Variants in MGAT5 observed in about 807,000 individuals in gnomAD.
MGAT5 encodes the protein alpha-1,6-mannosylglycoprotein 6-beta-N-acetylglucosaminyltransferase, also known as alpha-1,6-mannosylglycoprotein 6-beta-N-acetylglucosaminyltransferase A.
Under a neutral mutation model 94.3 loss-of-function variants are expected in MGAT5, and 30 were observed. The observed-to-expected ratio is 0.32, with a 90% CI of 0.24 to 0.43. The LOEUF (loss-of-function observed/expected upper bound fraction) is 0.43. MGAT5 is among the 20% of genes least tolerant of loss of function. MGAT5 has a pLI of 1.00. For synonymous variants in MGAT5, 310 were observed against 322.9 expected (o/e 0.96, Z 0.43); for missense variants, 691 against 905.5 (o/e 0.76, Z 3.04).
At chr2:134,295,546 G>T (rs6751660) in intron 2 of MGAT5, among the ~76,000 whole-genome samples, 1 of 152,014 alleles carries the variant, frequency 6.6e-6, no homozygotes, top group African/African-American at 2.4e-5. Context: ...AGGGAGTTTT[G>T]TTGTCACTTT....
chr2:134,374,772 C>A (rs892463238), intron 10 of MGAT5, among the ~76,000 whole-genome samples: 4 of 152,138 alleles, frequency 2.6e-5, no homozygotes, highest in Non-Finnish European at 5.9e-5. Context: ...GTGGGCAGAT[C>A]ACTTGAGCCT....
intron 1 of MGAT5, among the ~76,000 whole-genome samples, chr2:134,131,257 G>A (rs1382358837): frequency 6.6e-6 from 1 of 152,142 alleles, no homozygotes; most frequent in Non-Finnish European, 1.5e-5. Context: ...CACTCACCGC[G>A]AGGGTCCGCG....
intron 1 of MGAT5, among the ~76,000 whole-genome samples, chr2:134,248,574 G>A (rs1346749165): frequency 1.3e-5 from 2 of 152,220 alleles, no homozygotes; most frequent in Non-Finnish European, 2.9e-5. Context: ...ACAGGATGAA[G>A]CTAAATGTAG....
At chr2:134,381,418 A>ATAGATAGG (rs1681599132) in intron 10 of MGAT5, among the ~76,000 whole-genome samples, 1 of 146,334 alleles carries the variant, frequency 6.8e-6, no homozygotes, top group Non-Finnish European at 1.5e-5. Flanking sequence ...AGATAGATAG[A>ATAGATAGG]TAGATAGATA....
At chr2:134,282,722 G>T (rs1684767066) in intron 2 of MGAT5, among the ~76,000 whole-genome samples, 1 of 152,196 alleles carries the variant, frequency 6.6e-6, no homozygotes, top group Non-Finnish European at 1.5e-5. Context: ...GGTGAAAAAT[G>T]CTTGAGGAAC....
At chr2:134,157,738 A>G (rs1433218454) in intron 1 of MGAT5, among the ~76,000 whole-genome samples, 5 of 152,072 alleles carry the variant, frequency 3.3e-5, no homozygotes, top group African/African-American at 1.2e-4. Context: ...CTGCAACTAG[A>G]TGGTCTCATC....
At chr2:134,328,470 G>A (rs1477458212) in intron 4 of MGAT5, among the ~76,000 whole-genome samples, 3 of 152,068 alleles carry the variant, frequency 2.0e-5, no homozygotes, top group Non-Finnish European at 4.4e-5. Context: ...TTGAGGTCAA[G>A]ATAAAGTCTG....
chr2:134,443,122 C>T (rs1685577486), intron 15 of MGAT5, among the ~76,000 whole-genome samples: 1 of 151,994 alleles, frequency 6.6e-6, no homozygotes, highest in Admixed American at 6.6e-5. Context: ...GAGTGTGTGG[C>T]CTCTTGTGTC....
intron 10 of MGAT5, among the ~76,000 whole-genome samples, chr2:134,390,082 T>TA (rs1682307180): frequency 1.3e-5 from 2 of 152,146 alleles, no homozygotes; most frequent in African/African-American, 2.4e-5. Flanking sequence ...GCCATGTCAA[T>TA]GAAAAAAGGC....
chr2:134,339,465 T>A (rs1348790347), intron 6 of MGAT5, among the ~76,000 whole-genome samples: 1 of 152,170 alleles, frequency 6.6e-6, no homozygotes, highest in East Asian at 1.9e-4. Context: ...TTTCTTATTT[T>A]GATAAACTAA....
At chr2:134,434,845 C>T (rs1324830312) in intron 14 of MGAT5, among the ~76,000 whole-genome samples, 2 of 152,202 alleles carry the variant, frequency 1.3e-5, no homozygotes, top group African/African-American at 4.8e-5. Context: ...GCATCGGCCT[C>T]TCTTACTAGA....
intron 2 of MGAT5, among the ~76,000 whole-genome samples, chr2:134,314,914 A>G (rs1167496512): frequency 2.6e-5 from 4 of 152,208 alleles, no homozygotes; most frequent in African/African-American, 9.6e-5. Flanking sequence ...AACACAGCCC[A>G]TCCATTCGTT....
At chr2:134,375,677 A>G (rs1681122741) in intron 10 of MGAT5, among the ~76,000 whole-genome samples, 1 of 152,182 alleles carries the variant, frequency 6.6e-6, no homozygotes, top group South Asian at 2.1e-4. Flanking sequence ...TCAAGGGAAA[A>G]ATGAGGGAAA....
At chr2:134,126,659 C>T (rs900297788) in intron 1 of MGAT5, among the ~76,000 whole-genome samples, 1 of 152,158 alleles carries the variant, frequency 6.6e-6, no homozygotes, top group Non-Finnish European at 1.5e-5. Context: ...CCTGAAATAA[C>T]CTGCTTTCCT....
chr2:134,260,696 C>CTTTTTTTT (rs1267044246), intron 1 of MGAT5, among the ~76,000 whole-genome samples: 1 of 124,406 alleles, frequency 8.0e-6, no homozygotes, highest in Non-Finnish European at 1.7e-5. Context: ...TTTCTTTTTT[C>CTTTTTTTT]TTTTTCTTTT....
intron 13 of MGAT5, among the ~76,000 whole-genome samples, chr2:134,424,527 C>A (rs1003332873): frequency 3.9e-5 from 6 of 152,138 alleles, no homozygotes; most frequent in Non-Finnish European, 8.8e-5. Flanking sequence ...TCTAGGCTGC[C>A]TCAAAATATC....
At chr2:134,376,120 A>G (rs532371889) in intron 10 of MGAT5, among the ~76,000 whole-genome samples, 2 of 152,332 alleles carry the variant, frequency 1.3e-5, no homozygotes, top group East Asian at 1.9e-4. Flanking sequence ...CACACCGACA[A>G]TGAATAATGA....
chr2:134,385,497 C>A (rs916040128), intron 10 of MGAT5, among the ~76,000 whole-genome samples: 2 of 152,178 alleles, frequency 1.3e-5, no homozygotes, highest in Non-Finnish European at 2.9e-5. Context: ...GTCACTTAAT[C>A]CTTCTTGTGC....
chr2:134,263,929 G>T (rs1683493838), intron 1 of MGAT5, among the ~76,000 whole-genome samples: 1 of 149,392 alleles, frequency 6.7e-6, no homozygotes. Flanking sequence ...AAAAAAAAGT[G>T]ATACGTACAT....
Sources: allele counts gnomAD v4.1 joint callset (sites outside exome capture counted in the v4.1 genomes callset), GRCh38; gene constraint gnomAD v4.1.1; transcripts MANE v1.5; gene names NCBI Gene and HGNC (gene_info 2026-07-23, HGNC 2026-07-21).